Variants in PAWR observed in about 807,000 individuals in gnomAD.
The protein encoded by PAWR is pro-apoptotic WT1 regulator, also known as PRKC apoptosis WT1 regulator protein.
In PAWR, 23 loss-of-function variants were observed where a neutral mutation model predicts 32.0. The ratio of observed to expected loss-of-function variants is 0.72; its 90% CI spans 0.52 to 1.02. The LOEUF is 1.02. PAWR is among the 50% of genes least tolerant of loss of function. The pLI is 0.00. For missense variants in PAWR, 457 were observed against 437.7 expected (o/e 1.04, Z -0.39); for synonymous variants, 226 against 187.1 (o/e 1.21, Z -1.70).
chr12:79,674,226 C>G (rs2136862354), intron 2 of PAWR, among the ~76,000 whole-genome samples: 1 of 152,074 alleles, frequency 6.6e-6, no homozygotes, highest in Non-Finnish European at 1.5e-5. Flanking sequence ...TGGAGCAGGT[C>G]AGAGAACCCC....
At chr12:79,615,167 T>C (rs1874665737) in intron 3 of PAWR, among the ~76,000 whole-genome samples, 1 of 152,202 alleles carries the variant, frequency 6.6e-6, no homozygotes, top group Admixed American at 6.5e-5. Flanking sequence ...TAAATTCTCA[T>C]TACAGAAGCC....
At chr12:79,602,637 G>A (rs1874007640) in intron 4 of PAWR, among the ~76,000 whole-genome samples, 1 of 152,176 alleles carries the variant, frequency 6.6e-6, no homozygotes. Flanking sequence ...AGATGCTGAT[G>A]TCAACTACTG....
At chr12:79,653,464 GT>G (rs1876950107) in intron 2 of PAWR, among the ~76,000 whole-genome samples, 1 of 151,836 alleles carries the variant, frequency 6.6e-6, no homozygotes, top group Non-Finnish European at 1.5e-5. Flanking sequence ...ATATTTTTCA[GT>G]GAATGTTTGC....
intron 2 of PAWR, among the ~76,000 whole-genome samples, chr12:79,630,110 G>C (rs1875539775): frequency 6.6e-6 from 1 of 151,662 alleles, no homozygotes; most frequent in Non-Finnish European, 1.5e-5. Flanking sequence ...GAAAATAAGA[G>C]CAAAATACAA....
At chr12:79,625,585 G>A (rs1566007559) in intron 2 of PAWR, among the ~76,000 whole-genome samples, 1 of 152,124 alleles carries the variant, frequency 6.6e-6, no homozygotes. Context: ...ACTTTGGGAG[G>A]CCAAGGCGGG....
Position 79,655,921 on chromosome 12 carries a change from G to A in PAWR, c.516+33808C>T, listed in dbSNP as rs899332154. ...AAGAGACAAATAAGCAATTAAAATAGAGTGCTGATAGAAGGTATCTAACCC... is the reference window on the plus strand; with the variant it reads ...AAGAGACAAATAAGCAATTAAAATAAAGTGCTGATAGAAGGTATCTAACCC... On this transcript the variant is annotated intron_variant, in intron 2 of 6. Transcript: ENST00000328827. Among the ~76,000 whole-genome samples the A allele has an allele frequency of 3.7e-4, 57 of 152,214 alleles. 1 individual carries two copies. Among genetic ancestry groups the A allele is most frequent in the African/African-American group, 1.4e-3 (56 of 41,456 alleles).
chr12:79,628,027 C>G (rs1403122492), intron 2 of PAWR, among the ~76,000 whole-genome samples: 1 of 152,172 alleles, frequency 6.6e-6, no homozygotes. Flanking sequence ...CCACACCACA[C>G]CTACTCCAAA....
At position 79,689,942 on chromosome 12, in the gene PAWR, C is replaced by T. The variant is rs773008392; in HGVS notation, c.303G>A (p.Ala101=). 1.9e-5 allele frequency: 26 copies of T among 1,402,790 alleles called. No individual in the cohort carries two copies. In the South Asian group the frequency reaches 4.0e-4, roughly 21 times the overall value. The allele number at this position is 1,402,790 out of a possible 1,614,324, so 86.9% of individuals were successfully genotyped here. ...CAVGSAMLTR[A]APGPRRSEDE... Reference sequence around the variant, plus strand: ...CCTCCGACCGCCGCGGGCCGGGGGCCGCCCGCGTCAGCATGGCGGAGCCGA... The same window carrying T: ...CCTCCGACCGCCGCGGGCCGGGGGCTGCCCGCGTCAGCATGGCGGAGCCGA... Residue 101 remains alanine, a synonymous_variant, in exon 2 of 7, where the codon GCG becomes GCA. Coordinates refer to ENST00000328827, the MANE Select transcript of PAWR (RefSeq NM_002583.4).
At chr12:79,607,905 C>T (rs1232019311) in intron 4 of PAWR, among the ~76,000 whole-genome samples, 4 of 151,650 alleles carry the variant, frequency 2.6e-5, no homozygotes, top group Non-Finnish European at 4.4e-5. Context: ...CAAAATTAAC[C>T]GGGCATGGGG....
chr12:79,650,291 A>G (rs1180903655), intron 2 of PAWR, among the ~76,000 whole-genome samples: 1 of 152,106 alleles, frequency 6.6e-6, no homozygotes, highest in Non-Finnish European at 1.5e-5. Context: ...AATTCTTGCA[A>G]TATCTGCTGA....
At chr12:79,657,075 G>A (rs1448008776) in intron 2 of PAWR, among the ~76,000 whole-genome samples, 2 of 152,144 alleles carry the variant, frequency 1.3e-5, no homozygotes, top group Non-Finnish European at 2.9e-5. Context: ...TCATCCGAAA[G>A]GTTGAAGGAA....
rs921557399 is a variant in PAWR at position 79,591,001 on chromosome 12, T to G, written c.*1606A>C. 7 of 152,132 alleles carry G rather than the reference T, an allele frequency of 4.6e-5. No homozygotes were observed. The highest frequency in any genetic ancestry group is 1.0e-4 in the Non-Finnish European group (7 of 68,018). 9.4% of individuals were successfully genotyped at this position (152,132 alleles called of 1,614,324 possible). A position where few individuals can be genotyped will look rare whatever the true frequency, so the allele number is the denominator to read the frequency against. On this transcript the variant is annotated 3_prime_UTR_variant, in exon 7 of 7. Coordinates refer to ENST00000328827, the MANE Select transcript of PAWR (RefSeq NM_002583.4). ...ATTATGTCAATTCCAGGGTGTTCAATGGAATAAAGAAACAGCAGCAGCTGC... is the reference window on the plus strand; with the variant it reads ...ATTATGTCAATTCCAGGGTGTTCAAGGGAATAAAGAAACAGCAGCAGCTGC...
intron 2 of PAWR, 118 bp downstream of exon 2, chr12:79,689,611 G>T: frequency 1.7e-6 from 2 of 1,144,540 alleles, no homozygotes; most frequent in Non-Finnish European, 2.4e-6. Context: ...ACTCGGTGAA[G>T]GGACAAGTAC....
At chr12:79,678,051 T>A (rs1386769978) in intron 2 of PAWR, among the ~76,000 whole-genome samples, 2 of 152,198 alleles carry the variant, frequency 1.3e-5, no homozygotes, top group Non-Finnish European at 2.9e-5. Context: ...AATCACTTGG[T>A]ACAACTTTGT....
intron 2 of PAWR, among the ~76,000 whole-genome samples, chr12:79,633,791 G>C (rs1432568220): frequency 3.3e-5 from 5 of 152,128 alleles, no homozygotes; most frequent in African/African-American, 9.7e-5. Context: ...ATATATATTT[G>C]AGAGATTAAG....
chr12:79,656,899 C>G (rs1162631189), intron 2 of PAWR, among the ~76,000 whole-genome samples: 7 of 152,174 alleles, frequency 4.6e-5, no homozygotes, highest in Non-Finnish European at 7.3e-5. Flanking sequence ...CAGAGACCAG[C>G]ACTCTCCCTG....
At chr12:79,633,175 A>C (rs560829758) in intron 2 of PAWR, among the ~76,000 whole-genome samples, 51 of 152,194 alleles carry the variant, frequency 3.4e-4, no homozygotes, top group African/African-American at 1.2e-3. Flanking sequence ...CAAAATTAAA[A>C]ACTTTTGCTA....
At chr12:79,600,648 CTTTTTTTTTTT>C (rs1025749975) in intron 4 of PAWR, among the ~76,000 whole-genome samples, 7 of 102,358 alleles carry the variant, frequency 6.8e-5, no homozygotes, top group South Asian at 3.2e-4. Flanking sequence ...CCATACCTGG[CTTTTTTTTTTT>C]TTTTTTTTTT....
intron 2 of PAWR, among the ~76,000 whole-genome samples, chr12:79,674,028 T>C (rs1592550553): frequency 6.6e-6 from 1 of 152,220 alleles, no homozygotes; most frequent in Non-Finnish European, 1.5e-5. Context: ...ATCAATATCA[T>C]TATTTGCAGA....
Sources: gnomAD v4.1 joint callset for allele counts (sites outside exome capture counted in the v4.1 genomes callset) on GRCh38, gnomAD v4.1.1 for gene constraint, MANE v1.5 for transcripts, NCBI Gene and HGNC (gene_info 2026-07-23, HGNC 2026-07-21) for gene names.